ZNF221: variants seen among roughly 807,000 people sequenced by gnomAD.
ZNF221 encodes the protein zinc finger protein 221.
A neutral mutation model predicts 12.6 loss-of-function variants in ZNF221; 10 were observed. The ratio of observed to expected loss-of-function variants is 0.79; its 90% CI spans 0.49 to 1.34. ZNF221 has a LOEUF of 1.34. Among genes scored for constraint, ZNF221 ranks in the 40% most tolerant of loss-of-function variants. The pLI, the probability that ZNF221 is intolerant of heterozygous loss-of-function variation, is 0.00. For missense variants in ZNF221, 661 were observed against 721.4 expected (o/e 0.92, Z 0.96); for synonymous variants, 232 against 244.0 (o/e 0.95, Z 0.46).
rs564117781 is a variant in ZNF221, at chr19:43,956,104, A to G, written c.-3+4704A>G. 1.1e-4 allele frequency among the ~76,000 whole-genome samples: 17 copies of G among 152,276 alleles called. No individual in the cohort carries two copies. The South Asian group carries it at 3.1e-3, about 28-fold the overall frequency. On this transcript the variant is annotated intron_variant, in intron 1 of 4. Coordinates refer to ENST00000587682, the MANE Select transcript of ZNF221 (RefSeq NM_001297588.2). ...AATTTTCTAGTCCAAAGTCTCAGTA[A>G]TTGTCACTAGAAGGCACTCACAGGC...
At position 43,966,273 on chromosome 19, in the gene ZNF221, G is replaced by A. The variant is rs146063780; in HGVS notation, c.771G>A (p.Gly257=). The change falls in exon 5 of 5, where the codon GGG becomes GGA. Residue 257 remains glycine (G), a synonymous_variant. Coordinates refer to ENST00000587682, the MANE Select transcript of ZNF221 (RefSeq NM_001297588.2). ...VHTGEKPFKC[G]QCGKGFHSRS... The stretch of plus-strand genomic sequence containing the variant: ...CTGGAGAGAAACCATTCAAATGTGG[G>A]CAATGTGGGAAAGGCTTCCATAGTA... 4.5e-5 allele frequency: 73 copies of A among 1,614,030 alleles called. No homozygotes were observed. In the Middle Eastern group the frequency reaches 1.3e-3, roughly 29 times the overall value.
rs746889214 is a variant in ZNF221 at position 43,966,786 on chromosome 19, G to A, written c.1284G>A (p.Gly428=). The A allele has an allele frequency of 1.1e-5, 18 of 1,614,040 alleles. No homozygotes were observed. Among genetic ancestry groups the A allele is most frequent in the Non-Finnish European group, 1.2e-5 (14 of 1,180,044 alleles). The change falls in exon 5 of 5, where the codon GGG becomes GGA. Residue 428 remains glycine (G), a synonymous_variant. Transcript: ENST00000587682. The part of the protein sequence containing the change: ...GQKSFKCEEC[G]KGFYTNSRRS... ...AATCCTTCAAATGTGAAGAATGTGG[G>A]AAGGGATTTTATACAAATTCACGAC... is the stretch of plus-strand genomic sequence containing the variant.
chr19:43,956,820 A>G (rs964648480), intron 1 of ZNF221, among the ~76,000 whole-genome samples: 3 of 152,218 alleles, frequency 2.0e-5, no homozygotes, highest in African/African-American at 7.2e-5. Flanking sequence ...TTTCTTAATA[A>G]AACTGTTAAA....
chr19:43,975,910 T>C, the ZNF221 span, among the ~76,000 whole-genome samples: 1 of 152,186 alleles, frequency 6.6e-6, no homozygotes, highest in Non-Finnish European at 1.5e-5. Context: ...AGTGTTCCCT[T>C]GATTGTATAT....
At chr19:43,965,704 T>C (rs1440389781) in intron 4 of ZNF221, 100 bp from the exon 5 acceptor site, 4 of 1,128,766 alleles carry the variant, frequency 3.5e-6, no homozygotes, top group Non-Finnish European at 5.0e-6. Flanking sequence ...TAATGTTTCC[T>C]GTTTTCATTA....
At chr19:43,981,146 C>T in the ZNF221 span, among the ~76,000 whole-genome samples, 1 of 151,364 alleles carries the variant, frequency 6.6e-6, no homozygotes, top group African/African-American at 2.4e-5. Flanking sequence ...GAACAATTTA[C>T]AAAAAGAAAA....
In ZNF221 at chr19:43,967,382, G is replaced by C; in HGVS notation, c.*26G>C. On this transcript the variant is annotated 3_prime_UTR_variant, in exon 5 of 5. Coordinates refer to ENST00000587682, the MANE Select transcript of ZNF221 (RefSeq NM_001297588.2). ...ATGTGAGAAGTGTGGGAAGGGCTTT[G>C]GCTGGGCCTCAACTCATCTGACCCA... 6.4e-7 allele frequency: 1 copy of C among 1,571,208 alleles called. No individual in the cohort carries two copies. Among genetic ancestry groups the C allele is most frequent in the Non-Finnish European group, 8.7e-7 (1 of 1,151,702 alleles).
Position 43,966,442 on chromosome 19 carries a change from A to G in ZNF221, c.940A>G (p.Ile314Val), listed in dbSNP as rs147634029. ...HTGEKPFKCDICGKSFRVRSR... is the reference protein window; with the variant it reads ...HTGEKPFKCDVCGKSFRVRSR... ...TGGGGAGAAGCCATTCAAATGTGAT[A>G]TATGTGGTAAGAGCTTCCGTGTTAG... is the stretch of plus-strand genomic sequence containing the variant. Residue 314 changes from isoleucine to valine, a missense_variant, in exon 5 of 5, where the codon ATA becomes GTA. Physicochemically the swap from Ile to Val is conservative, Grantham distance 29 (BLOSUM62 3). Coordinates refer to ENST00000587682, the MANE Select transcript of ZNF221 (RefSeq NM_001297588.2). 2 of 1,614,190 alleles carry G rather than the reference A, an allele frequency of 1.2e-6. No individual in the cohort carries two copies. Among genetic ancestry groups the G allele is most frequent in the Admixed American group, 1.7e-5 (1 of 60,026 alleles).
chr19:43,966,080 CAGG>C lies in ZNF221; in HGVS notation c.581_583del (p.Gly194del). The C allele has an allele frequency of 6.2e-7, 1 of 1,614,252 alleles. No individual in the cohort carries two copies. The highest frequency in any genetic ancestry group is 8.5e-7 in the Non-Finnish European group (1 of 1,180,044). On this transcript the variant is annotated inframe_deletion, in exon 5 of 5. Coordinates refer to ENST00000587682, the MANE Select transcript of ZNF221 (RefSeq NM_001297588.2). ...TTTGATCTTCATCAACAATCACACT[CAGG>C]AGAGAAATCTCATACATGTGGTGAG... is the stretch of plus-strand genomic sequence containing the variant.
the ZNF221 span, among the ~76,000 whole-genome samples, chr19:43,979,078 C>T: frequency 1.1e-4 from 17 of 151,324 alleles, no homozygotes; most frequent in African/African-American, 4.1e-4. Context: ...TACTTTGGTA[C>T]AGAAAAGTCT....
the ZNF221 span, chr19:43,978,669 A>C: frequency 6.6e-6 from 1 of 152,090 alleles, no homozygotes; most frequent in Non-Finnish European, 1.5e-5. Context: ...ACCTAGCTTC[A>C]TATGTAGTAC....
chr19:43,969,617 G>A (rs936421694), downstream of ZNF221, among the ~76,000 whole-genome samples: 2 of 152,118 alleles, frequency 1.3e-5, no homozygotes, highest in Non-Finnish European at 2.9e-5. Context: ...CCAAAGTGCT[G>A]GGATTACAGG....
chr19:43,966,362 G>C lies in ZNF221; in HGVS notation c.860G>C (p.Cys287Ser). The change falls in exon 5 of 5, where the codon TGT becomes TCT. Residue 287 changes from cysteine (C) to serine (S), a missense_variant. By Grantham distance (112) the Cys-to-Ser change is moderately radical. Coordinates refer to ENST00000587682, the MANE Select transcript of ZNF221 (RefSeq NM_001297588.2). The part of the protein sequence containing the change: ...TGEKPYNCEE[C>S]GKAFIHDSQL... ...GAGAAACCTTATAATTGTGAGGAAT[G>C]TGGGAAAGCCTTCATTCATGATTCA... 6.2e-7 allele frequency: 1 copy of C among 1,614,150 alleles called. No individual in the cohort carries two copies. Among genetic ancestry groups the C allele is most frequent in the Non-Finnish European group, 8.5e-7 (1 of 1,180,004 alleles).
chr19:43,956,983 A>G (rs1974766638), intron 1 of ZNF221, among the ~76,000 whole-genome samples: 1 of 152,212 alleles, frequency 6.6e-6, no homozygotes, highest in Admixed American at 6.5e-5. Flanking sequence ...GTGACATTCA[A>G]AAAGTGGAAG....
chr19:43,965,184 A>T, intron 3 of ZNF221, 49 bp from the exon 4 acceptor site: 1 of 1,594,448 alleles, frequency 6.3e-7, no homozygotes, highest in South Asian at 1.1e-5. Context: ...TTTTCCCTAG[A>T]TATTACCTAC....
chr19:43,963,006 T>C (rs1263548767), intron 2 of ZNF221, among the ~76,000 whole-genome samples, 199 bp downstream of exon 2: 2 of 152,242 alleles, frequency 1.3e-5, no homozygotes, highest in Admixed American at 1.3e-4. Context: ...TTCTTTTCTG[T>C]AGTAGATAAA....
chr19:43,965,212 C>CTT, intron 3 of ZNF221, 21 bp from the exon 4 acceptor site: 1 of 1,602,122 alleles, frequency 6.2e-7, no homozygotes, highest in African/African-American at 1.3e-5. Flanking sequence ...TGGAATTAAG[C>CTT]ATGTCACTGT....
the ZNF221 span, among the ~76,000 whole-genome samples, chr19:43,979,047 T>C: frequency 6.6e-6 from 1 of 151,692 alleles, no homozygotes; most frequent in Non-Finnish European, 1.5e-5. Context: ...GCAAGAATAA[T>C]GTCTAGACAT....
intron 1 of ZNF221, among the ~76,000 whole-genome samples, chr19:43,958,759 T>C (rs981142962): frequency 2.6e-5 from 4 of 152,218 alleles, no homozygotes; most frequent in Non-Finnish European, 5.9e-5. Flanking sequence ...TCGATAGCAG[T>C]GTTTCCTTTT....
Sources: gnomAD v4.1 joint callset for allele counts (sites outside exome capture counted in the v4.1 genomes callset) on GRCh38, gnomAD v4.1.1 for gene constraint, MANE v1.5 for transcripts, NCBI Gene and HGNC (gene_info 2026-07-23, HGNC 2026-07-21) for gene names.